Variants in EBF2 observed in about 807,000 individuals in gnomAD.
EBF2 encodes transcription factor COE2.
In EBF2, 21 loss-of-function variants were observed where a neutral mutation model predicts 72.8. The observed-to-expected ratio is 0.29, with a 90% confidence interval of 0.20 to 0.42. The LOEUF (loss-of-function observed/expected upper bound fraction) is 0.42. Ranked by LOEUF, EBF2 falls within the 10% of genes least tolerant of loss-of-function variation. The pLI is 1.00. For missense variants in EBF2, 637 were observed against 731.2 expected, an observed-to-expected ratio of 0.87 and a Z score of 1.49; for synonymous variants, 299 against 274.2, an observed-to-expected ratio of 1.09 and a Z score of -0.89.
intron 6 of EBF2, among the ~76,000 whole-genome samples, chr8:25,925,546 C>T (rs547211182): frequency 1.3e-4 from 20 of 152,310 alleles, no homozygotes; most frequent in Admixed American, 1.0e-3. Context: ...CCCAACCCAC[C>T]ATCACATTAC....
At position 25,861,031 on chromosome 8, in the gene EBF2, C is replaced by A; in HGVS notation, c.1342+18G>T. 4 of 1,614,128 alleles carry A rather than the reference C, an allele frequency of 2.5e-6. No individual in the cohort carries two copies. Among genetic ancestry groups the A allele is most frequent in the Non-Finnish European group, 3.4e-6 (4 of 1,180,012 alleles). On this transcript the variant is annotated intron_variant, in intron 13 of 15. Transcript: ENST00000520164. ...TAAATTAGACATATTTGGATTTTGA[C>A]TCTAAGAAAGGTGGTACCTTGATTA... is the stretch of plus-strand genomic sequence containing the variant.
At chr8:25,875,685 C>T (rs1465675566) in intron 10 of EBF2, among the ~76,000 whole-genome samples, 1 of 152,188 alleles carries the variant, frequency 6.6e-6, no homozygotes, top group African/African-American at 2.4e-5. Context: ...ATTGTGTTCA[C>T]AGTGAAAGGA....
intron 6 of EBF2, among the ~76,000 whole-genome samples, chr8:25,964,895 C>T (rs1055133471): frequency 6.6e-6 from 1 of 152,152 alleles, no homozygotes; most frequent in Non-Finnish European, 1.5e-5. Context: ...CACAGAGGGA[C>T]TGTCATAGAA....
chr8:26,018,496 C>CAAAAA (rs10555042), intron 6 of EBF2, among the ~76,000 whole-genome samples: 2 of 81,618 alleles, frequency 2.5e-5, no homozygotes, highest in Non-Finnish European at 4.6e-5. Context: ...ACTAAAAATA[C>CAAAAA]AAAAAAAAAA....
At chr8:25,989,003 G>A (rs1465266670) in intron 6 of EBF2, among the ~76,000 whole-genome samples, 3 of 152,176 alleles carry the variant, frequency 2.0e-5, no homozygotes, top group Admixed American at 6.5e-5. Flanking sequence ...CAAACACAAG[G>A]GACAGTTGCG....
chr8:26,004,167 T>C (rs1467281203), intron 6 of EBF2, among the ~76,000 whole-genome samples: 1 of 152,120 alleles, frequency 6.6e-6, no homozygotes, highest in Non-Finnish European at 1.5e-5. Flanking sequence ...CATGTGGAGT[T>C]TGTTGTCACC....
At chr8:25,860,049 A>C (rs911247931) in intron 13 of EBF2, among the ~76,000 whole-genome samples, 2 of 140,292 alleles carry the variant, frequency 1.4e-5, no homozygotes, top group Admixed American at 1.4e-4. Context: ...CTCCCTGGGC[A>C]AAAAAAAAAT....
chr8:26,009,129 A>T (rs1357617536), intron 6 of EBF2, among the ~76,000 whole-genome samples: 1 of 4,942 alleles, frequency 2.0e-4, no homozygotes, highest in Non-Finnish European at 5.6e-4. Flanking sequence ...AAAAAAAAAA[A>T]ACCACCATGG....
At chr8:25,856,396 G>C (rs914883937) in intron 14 of EBF2, among the ~76,000 whole-genome samples, 3 of 152,090 alleles carry the variant, frequency 2.0e-5, no homozygotes, top group Non-Finnish European at 2.9e-5. Flanking sequence ...ATTTAAAAAC[G>C]TGGTATTCTG....
At chr8:25,916,428 C>T (rs751314250) in intron 6 of EBF2, among the ~76,000 whole-genome samples, 31 of 152,100 alleles carry the variant, frequency 2.0e-4, no homozygotes, top group Non-Finnish European at 4.1e-4. Flanking sequence ...TCTGCTTCTT[C>T]ACCTTTTGCT....
intron 5 of EBF2, 87 bp from the exon 6 acceptor site, chr8:26,033,240 CCAGACAGAGTCTGGCTCTGT>C (rs1805438444): frequency 8.9e-6 from 12 of 1,348,198 alleles, no homozygotes; most frequent in Non-Finnish European, 1.3e-5. Context: ...TTTTTTCCCC[CCAGACAGAGTCTGGCTCTGT>C]CACCAGGCTG....
intron 5 of EBF2, among the ~76,000 whole-genome samples, chr8:26,037,791 G>A (rs535344149): frequency 6.6e-6 from 1 of 152,272 alleles, no homozygotes; most frequent in South Asian, 2.1e-4. Flanking sequence ...AGGGAAGAGA[G>A]GAACAGAGAC....
chr8:25,984,295 A>G (rs1339030233), intron 6 of EBF2, among the ~76,000 whole-genome samples: 1 of 152,218 alleles, frequency 6.6e-6, no homozygotes, highest in Non-Finnish European at 1.5e-5. Context: ...ACACAGTTGC[A>G]TCAACTATAT....
chr8:25,919,136 T>C (rs1334161064), intron 6 of EBF2, among the ~76,000 whole-genome samples: 1 of 152,128 alleles, frequency 6.6e-6, no homozygotes, highest in African/African-American at 2.4e-5. Flanking sequence ...AAAGTATGCA[T>C]CTGTGCACTG....
At chr8:26,025,689 CT>C (rs1043427893) in intron 6 of EBF2, among the ~76,000 whole-genome samples, 8 of 152,136 alleles carry the variant, frequency 5.3e-5, no homozygotes, top group African/African-American at 1.9e-4. Flanking sequence ...CATAGGGACA[CT>C]TTTTCCCAGC....
At chr8:26,040,881 G>A (rs1005539945) in intron 3 of EBF2, 58 bp downstream of exon 3, 2 of 1,607,844 alleles carry the variant, frequency 1.2e-6, no homozygotes, top group Non-Finnish European at 1.7e-6. Context: ...AGGTCAGCGC[G>A]TGCGGCCCGG....
intron 7 of EBF2, among the ~76,000 whole-genome samples, chr8:25,895,901 C>A (rs1802856628): frequency 3.4e-5 from 5 of 149,132 alleles, no homozygotes; most frequent in Admixed American, 3.3e-4. Context: ...ATGTCCTTGG[C>A]TTTTTGGAAC....
At chr8:26,011,423 C>T (rs1402185734) in intron 6 of EBF2, among the ~76,000 whole-genome samples, 4 of 149,604 alleles carry the variant, frequency 2.7e-5, no homozygotes, top group Non-Finnish European at 5.9e-5. Flanking sequence ...ATGCTGTCCT[C>T]ACCTATTGGA....
At chr8:25,932,149 G>C (rs1803492434) in intron 6 of EBF2, among the ~76,000 whole-genome samples, 1 of 152,110 alleles carries the variant, frequency 6.6e-6, no homozygotes, top group Non-Finnish European at 1.5e-5. Flanking sequence ...CTGGGTTCTA[G>C]TCCCAGAACT....
Sources: allele counts gnomAD v4.1 joint callset (sites outside exome capture counted in the v4.1 genomes callset), GRCh38; gene constraint gnomAD v4.1.1; transcripts MANE v1.5; gene names NCBI Gene and HGNC (gene_info 2026-07-23, HGNC 2026-07-21).